Variants in FARP1 observed in about 807,000 individuals in gnomAD.
FARP1 encodes the protein FERM, ARHGEF and pleckstrin domain-containing protein 1.
In FARP1, 52 loss-of-function variants were observed where a neutral mutation model predicts 128.8. The ratio of observed to expected loss-of-function variants is 0.40; its 90% CI spans 0.32 to 0.51. The LOEUF (loss-of-function observed/expected upper bound fraction) is 0.51, where lower values mean the gene tolerates loss of function less well. Ranked by LOEUF, FARP1 falls within the 20% of genes least tolerant of loss-of-function variation. FARP1 has a pLI of 0.45. For synonymous variants in FARP1, 580 were observed against 551.8 expected, an observed-to-expected ratio of 1.05 and a Z score of -0.72; for missense variants, 1,333 against 1,367.9, an observed-to-expected ratio of 0.97 and a Z score of 0.40.
At chr13:98,424,478 A>G in intron 16 of FARP1, 94 bp from the exon 17 acceptor site, 1 of 800,822 alleles carries the variant, frequency 1.2e-6, no homozygotes, top group Non-Finnish European at 2.2e-6. Context: ...GGGAGGGGTG[A>G]TTGGAAAGGA....
intron 3 of FARP1, among the ~76,000 whole-genome samples, chr13:98,352,010 A>C (rs1212578945): frequency 6.6e-6 from 1 of 152,214 alleles, no homozygotes; most frequent in South Asian, 2.1e-4. Context: ...ATGTTTCAAA[A>C]TGGATATGCA....
intron 2 of FARP1, among the ~76,000 whole-genome samples, chr13:98,297,866 T>A (rs1293204194): frequency 2.0e-5 from 3 of 152,194 alleles, no homozygotes; most frequent in Non-Finnish European, 4.4e-5. Context: ...AAAGATAGAT[T>A]TTGAATAAGT....
chr13:98,176,657 C>T lies in FARP1; in HGVS notation c.-24+33165C>T. Reference sequence around the variant, plus strand: ...GTCTCCTTGTAGTCCTTGCAGATGTCAGGCTGGTAATCCCAGCGCACAGTG... The same window carrying T: ...GTCTCCTTGTAGTCCTTGCAGATGTTAGGCTGGTAATCCCAGCGCACAGTG... On this transcript the variant is annotated intron_variant, in intron 1 of 26. Transcript: ENST00000319562. This position sits in a 1 kb window ranked among gnomAD's most constrained non-coding sequence, Gnocchi z 6.2. 1 of 1,614,228 alleles carries T rather than the reference C, an allele frequency of 6.2e-7. No homozygotes were observed.
Position 98,395,429 on chromosome 13 carries a change from A to G in FARP1, c.1367A>G (p.Lys456Arg). ...ACGGAGGAAGAGGAGGAGGTCGTTA[A>G]GGATAGGACCCAGCAGAGTAAACCT... is the stretch of plus-strand genomic sequence containing the variant. ...APTEEEEEVV[K>R]DRTQQSKPQP... Residue 456 changes from lysine to arginine, a missense_variant, in exon 13 of 27, where the codon AAG becomes AGG. Physicochemically the swap from Lys to Arg is conservative, Grantham distance 26. Coordinates refer to ENST00000319562, the MANE Select transcript of FARP1 (RefSeq NM_005766.4). 1.9e-6 allele frequency: 3 copies of G among 1,609,008 alleles called. No individual in the cohort carries two copies. Among genetic ancestry groups the G allele is most frequent in the Non-Finnish European group, 1.7e-6 (2 of 1,176,904 alleles).
intron 1 of FARP1, among the ~76,000 whole-genome samples, chr13:98,206,027 A>G (rs2139290676): frequency 6.6e-6 from 1 of 151,530 alleles, no homozygotes; most frequent in South Asian, 2.1e-4. Context: ...TTCATCTGTC[A>G]TTTTTCTTTT....
chr13:98,246,700 C>G (rs575737431), intron 2 of FARP1, among the ~76,000 whole-genome samples: 1 of 152,240 alleles, frequency 6.6e-6, no homozygotes, highest in Non-Finnish European at 1.5e-5. Flanking sequence ...TTTAGAAAAG[C>G]TTAATTTTAA....
chr13:98,212,383 A>G lies in FARP1; in HGVS notation c.-23-837A>G, dbSNP rs1161390908. On this transcript the variant is annotated intron_variant, in intron 1 of 26. Transcript: ENST00000319562. ...GATGTGACATTTGAACTGAATTTTA[A>G]AGCAGTGGTAGAAGTTTCCAGGTGA... Among the ~76,000 whole-genome samples, 7 of 152,194 alleles carry G rather than the reference A, an allele frequency of 4.6e-5. No homozygotes were observed. In the East Asian group the frequency reaches 1.4e-3, roughly 29 times the overall value.
intron 2 of FARP1, among the ~76,000 whole-genome samples, chr13:98,314,068 G>A (rs1217388646): frequency 6.6e-6 from 1 of 152,160 alleles, no homozygotes; most frequent in Non-Finnish European, 1.5e-5. Context: ...CAGGCATGTA[G>A]GGAGAAGAAC....
At chr13:98,447,944 C>G in intron 26 of FARP1, 1 of 448,086 alleles carries the variant, frequency 2.2e-6, no homozygotes, top group East Asian at 4.1e-5. Context: ...TAGGAGGTAG[C>G]GTTCTCCCCA....
chr13:98,242,850 A>G (rs2139455024), intron 2 of FARP1, among the ~76,000 whole-genome samples: 1 of 152,324 alleles, frequency 6.6e-6, no homozygotes, highest in South Asian at 2.1e-4. Flanking sequence ...GTGTATCTAC[A>G]TTATCTGTGT....
chr13:98,339,285 G>A (rs1225773877), intron 2 of FARP1, among the ~76,000 whole-genome samples: 1 of 152,166 alleles, frequency 6.6e-6, no homozygotes, highest in Non-Finnish European at 1.5e-5. Context: ...GAATAAGCAC[G>A]TTTTACCATG....
rs562180790 is a variant in FARP1, at chr13:98,421,867, ATT to A, written c.1827-2698_1827-2697del. On this transcript the variant is annotated intron_variant, in intron 16 of 26. Transcript: ENST00000319562. The stretch of plus-strand genomic sequence containing the variant: ...GACCCCATATCTTTAAAAAAAAAAA[ATT>A]TTTTTTAAGAAAATGGAGGAAGAGG... Among the ~76,000 whole-genome samples the A allele has an allele frequency of 6.7e-4, 100 of 148,750 alleles. 1 individual carries two copies. Among genetic ancestry groups the A allele is most frequent in the Non-Finnish European group, 1.1e-3 (71 of 66,776 alleles).
chr13:98,319,928 C>T (rs1178472351), intron 2 of FARP1, among the ~76,000 whole-genome samples: 1 of 151,858 alleles, frequency 6.6e-6, no homozygotes, highest in South Asian at 2.1e-4. Flanking sequence ...ATTACTTCTT[C>T]GGTTATAAAT....
chr13:98,385,663 T>C lies in FARP1; in HGVS notation c.612-4T>C. ...GCCTTTCTGTTTAATTTTTGTTTTG[T>C]CAGTGGACAAACACCAGCAGAATCA... On this transcript the variant is annotated splice_region_variant and splice_polypyrimidine_tract_variant and intron_variant, in intron 7 of 26. Coordinates refer to ENST00000319562, the MANE Select transcript of FARP1 (RefSeq NM_005766.4). 6.2e-7 allele frequency: 1 copy of C among 1,614,170 alleles called. No homozygotes were observed. The highest frequency in any genetic ancestry group is 1.3e-5 in the African/African-American group (1 of 75,054).
chr13:98,329,753 A>G (rs565277990), intron 2 of FARP1: 8 of 152,302 alleles, frequency 5.3e-5, no homozygotes, highest in East Asian at 1.9e-4. Flanking sequence ...TGGTCTCTCC[A>G]TGGGAATTAT....
Position 98,213,995 on chromosome 13 carries a change from C to T in FARP1, c.171+582C>T, listed in dbSNP as rs370012479. ...TCCTTCCGAGCCTGCCATATGGCAGCCCTAGAGATGGGGAGGCCCTGCCAC... is the reference window on the plus strand; with the variant it reads ...TCCTTCCGAGCCTGCCATATGGCAGTCCTAGAGATGGGGAGGCCCTGCCAC... On this transcript the variant is annotated intron_variant, in intron 2 of 26. Coordinates refer to ENST00000319562, the MANE Select transcript of FARP1 (RefSeq NM_005766.4). Among the ~76,000 whole-genome samples, 9 of 152,282 alleles carry T rather than the reference C, an allele frequency of 5.9e-5. No homozygotes were observed. In the South Asian group the frequency reaches 1.9e-3, roughly 32 times the overall value.
intron 1 of FARP1, among the ~76,000 whole-genome samples, chr13:98,156,152 A>T (rs1876483376): frequency 6.6e-6 from 1 of 152,230 alleles, no homozygotes; most frequent in African/African-American, 2.4e-5. Flanking sequence ...AACTAATTAT[A>T]AAAGTCCTTG....
At chr13:98,179,622 T>C (rs1458348735) in intron 1 of FARP1, among the ~76,000 whole-genome samples, 2 of 152,048 alleles carry the variant, frequency 1.3e-5, no homozygotes, top group East Asian at 3.9e-4. Flanking sequence ...CCCAGCACTT[T>C]GGGAGGCTGA....
intron 1 of FARP1, among the ~76,000 whole-genome samples, chr13:98,166,835 TACC>T (rs1877302102): frequency 6.6e-6 from 1 of 151,854 alleles, no homozygotes; most frequent in Admixed American, 6.6e-5. Flanking sequence ...GGGATCGTCC[TACC>T]TCAGCCTCCT....
Sources: gnomAD v4.1 joint callset for allele counts (sites outside exome capture counted in the v4.1 genomes callset) on GRCh38, gnomAD v4.1.1 for gene constraint, Gnocchi (gnomAD v3.1) non-coding constraint, MANE v1.5 for transcripts, NCBI Gene and HGNC (gene_info 2026-07-23, HGNC 2026-07-21) for gene names.